WWOX: variants seen among roughly 807,000 people sequenced by gnomAD.
The protein encoded by WWOX is WW domain containing oxidoreductase.
In WWOX, 69 loss-of-function variants were observed where a neutral mutation model predicts 46.2. The observed-to-expected ratio is 1.49, with a 90% confidence interval of 1.23 to 1.82. The LOEUF (loss-of-function observed/expected upper bound fraction) is 1.82. WWOX is among the 40% of genes most tolerant of loss of function. The pLI, the probability that WWOX is intolerant of heterozygous loss-of-function variation, is 0.00. For synonymous variants in WWOX, 359 were observed against 202.6 expected, an observed-to-expected ratio of 1.77 and a Z score of -6.56; for missense variants, 919 against 542.6, an observed-to-expected ratio of 1.69 and a Z score of -6.89.
chr16:78,938,487 C>T (rs1188338490), intron 8 of WWOX, among the ~76,000 whole-genome samples: 1 of 151,962 alleles, frequency 6.6e-6, no homozygotes, highest in African/African-American at 2.4e-5. Context: ...TTTTCTATCT[C>T]CTGCTGCTGT....
intron 8 of WWOX, among the ~76,000 whole-genome samples, chr16:78,829,889 C>T (rs968864692): frequency 2.1e-4 from 32 of 152,116 alleles, no homozygotes; most frequent in African/African-American, 7.2e-4. Flanking sequence ...ACCAGAGCAA[C>T]CCCGCCTCTT....
chr16:78,987,892 G>A (rs905149183), intron 8 of WWOX, among the ~76,000 whole-genome samples: 5 of 152,108 alleles, frequency 3.3e-5, no homozygotes, highest in African/African-American at 7.2e-5. Context: ...ACATGATTCC[G>A]GTGAAACCAC....
chr16:79,196,384 G>A (rs1250656938), intron 8 of WWOX: 2 of 152,280 alleles, frequency 1.3e-5, no homozygotes, highest in East Asian at 1.9e-4. Flanking sequence ...GCTGGTTTGG[G>A]TTTATACCAG....
At position 78,133,627 on chromosome 16, in the gene WWOX, C is replaced by T. The variant is rs538315774; in HGVS notation, c.409+18473C>T. ...GCCAGGCTGGTCTGGAACTCCTGAC[C>T]TCAGGTGATCCACCCGCCTCGGCCT... On this transcript the variant is annotated intron_variant, in intron 4 of 8. Coordinates refer to ENST00000566780, the MANE Select transcript of WWOX (RefSeq NM_016373.4). Among the ~76,000 whole-genome samples, 6 of 152,290 alleles carry T rather than the reference C, an allele frequency of 3.9e-5. No homozygotes were observed. In the East Asian group the frequency reaches 9.7e-4, roughly 25 times the overall value.
At chr16:78,180,564 G>A in intron 5 of WWOX, among the ~76,000 whole-genome samples, 1 of 152,064 alleles carries the variant, frequency 6.6e-6, no homozygotes, top group Non-Finnish European at 1.5e-5. Flanking sequence ...AAACCCAGCT[G>A]CACCTGAGAG....
chr16:78,725,599 A>G (rs1230356107), intron 8 of WWOX, among the ~76,000 whole-genome samples: 1 of 151,972 alleles, frequency 6.6e-6, no homozygotes, highest in Non-Finnish European at 1.5e-5. Flanking sequence ...TACCCGCCTC[A>G]GCCTCCCAAA....
chr16:78,232,565 A>G (rs1394496311), intron 5 of WWOX, among the ~76,000 whole-genome samples: 8 of 152,180 alleles, frequency 5.3e-5, no homozygotes, highest in Non-Finnish European at 1.2e-4. Flanking sequence ...CCTTGTTTCT[A>G]CAGATTTTGG....
chr16:78,811,107 G>A (rs1008341635), intron 8 of WWOX, among the ~76,000 whole-genome samples: 1 of 152,168 alleles, frequency 6.6e-6, no homozygotes, highest in Non-Finnish European at 1.5e-5. Flanking sequence ...GGATTTTAGA[G>A]GAATGCAGTG....
chr16:78,126,227 G>T (rs2033355411), intron 4 of WWOX, among the ~76,000 whole-genome samples: 1 of 152,058 alleles, frequency 6.6e-6, no homozygotes, highest in Admixed American at 6.6e-5. Flanking sequence ...TTAAATGTTT[G>T]TACCCATCCG....
At chr16:78,596,434 G>A (rs1448089034) in intron 8 of WWOX, among the ~76,000 whole-genome samples, 1 of 150,058 alleles carries the variant, frequency 6.7e-6, no homozygotes, top group Non-Finnish European at 1.5e-5. Flanking sequence ...ACAGGCTGCT[G>A]TGGCAACCCA....
intron 8 of WWOX, among the ~76,000 whole-genome samples, chr16:79,122,414 T>TG (rs2049655210): frequency 6.6e-6 from 1 of 152,146 alleles, no homozygotes; most frequent in Non-Finnish European, 1.5e-5. Context: ...AAAAGGAGTG[T>TG]GGAAAAGGTG....
At chr16:78,461,377 A>G (rs1394639345) in intron 8 of WWOX, among the ~76,000 whole-genome samples, 1 of 152,204 alleles carries the variant, frequency 6.6e-6, no homozygotes, top group African/African-American at 2.4e-5. Flanking sequence ...AAACAAACAA[A>G]CAAACAAACA....
At chr16:79,207,482 C>T (rs1039504998) in intron 8 of WWOX, among the ~76,000 whole-genome samples, 2 of 152,226 alleles carry the variant, frequency 1.3e-5, no homozygotes, top group Non-Finnish European at 2.9e-5. Flanking sequence ...TCATTCCTTT[C>T]ATAACTCTAC....
chr16:78,593,115 G>A (rs1051066754), intron 8 of WWOX, among the ~76,000 whole-genome samples: 1 of 152,106 alleles, frequency 6.6e-6, no homozygotes, highest in African/African-American at 2.4e-5. Context: ...GACCCACTGG[G>A]AGTTTGTGCC....
chr16:78,480,911 G>C (rs182539774), intron 8 of WWOX, among the ~76,000 whole-genome samples: 2 of 152,322 alleles, frequency 1.3e-5, no homozygotes, highest in East Asian at 3.9e-4. Flanking sequence ...ACAAACATTT[G>C]TGCAAAAAGA....
chr16:78,951,987 A>T (rs1416328767), intron 8 of WWOX, among the ~76,000 whole-genome samples: 2 of 152,182 alleles, frequency 1.3e-5, no homozygotes, highest in Non-Finnish European at 2.9e-5. Context: ...TGAGTATGCC[A>T]TTCTAATCTT....
chr16:78,873,316 G>C (rs1192262778), intron 8 of WWOX: 1 of 152,136 alleles, frequency 6.6e-6, no homozygotes, highest in Non-Finnish European at 1.5e-5. Flanking sequence ...ATTAAGAAGG[G>C]ACTAGCTCCT....
At chr16:78,436,786 C>G (rs979982696) in intron 8 of WWOX, among the ~76,000 whole-genome samples, 1 of 152,186 alleles carries the variant, frequency 6.6e-6, no homozygotes, top group Non-Finnish European at 1.5e-5. Flanking sequence ...ATAGACCAGA[C>G]TGACTGGAAA....
At chr16:78,405,409 T>C (rs1414889767) in intron 6 of WWOX, among the ~76,000 whole-genome samples, 1 of 152,216 alleles carries the variant, frequency 6.6e-6, no homozygotes, top group Admixed American at 6.5e-5. Flanking sequence ...ATGGTGTCTG[T>C]CAAATTGTCG....
Sources: gnomAD v4.1 joint callset for allele counts (sites outside exome capture counted in the v4.1 genomes callset) on GRCh38, gnomAD v4.1.1 for gene constraint, MANE v1.5 for transcripts, NCBI Gene and HGNC (gene_info 2026-07-23, HGNC 2026-07-21) for gene names.